KLHL29: variants seen among roughly 807,000 people sequenced by gnomAD.
The protein encoded by KLHL29 is kelch-like protein 29.
KLHL29 carries 21 observed loss-of-function variants against 80.4 expected under a neutral mutation model. The observed-to-expected ratio is 0.26, with a 90% CI of 0.19 to 0.38. KLHL29 has a LOEUF of 0.38. Among genes scored for constraint, KLHL29 ranks in the 10% least tolerant of loss-of-function variants. The pLI is 1.00. For missense variants in KLHL29, 867 were observed against 1,223.9 expected, an observed-to-expected ratio of 0.71 and a Z score of 4.35; for synonymous variants, 511 against 526.8, an observed-to-expected ratio of 0.97 and a Z score of 0.41.
intron 2 of KLHL29, among the ~76,000 whole-genome samples, chr2:23,488,263 C>T (rs999923865): frequency 6.6e-6 from 1 of 152,238 alleles, no homozygotes; most frequent in Admixed American, 6.5e-5. Flanking sequence ...CAATCTCCAC[C>T]TGCTATTCAG....
intron 3 of KLHL29, among the ~76,000 whole-genome samples, chr2:23,597,422 T>A (rs1485600737): frequency 9.7e-5 from 9 of 93,218 alleles, no homozygotes; most frequent in African/African-American, 3.4e-4. Flanking sequence ...TTTTTTTTTT[T>A]TTTTTTTTTT....
At chr2:23,618,699 C>T (rs1047287570) in intron 3 of KLHL29, among the ~76,000 whole-genome samples, 8 of 152,106 alleles carry the variant, frequency 5.3e-5, no homozygotes, top group Admixed American at 3.9e-4. Context: ...TATAATAAAT[C>T]GTATATTATA....
chr2:23,512,789 A>T (rs1173819549), intron 2 of KLHL29, among the ~76,000 whole-genome samples: 2 of 152,256 alleles, frequency 1.3e-5, no homozygotes, highest in Non-Finnish European at 2.9e-5. Context: ...AGGACTGTGT[A>T]TGCGCCTCTG....
intron 1 of KLHL29, among the ~76,000 whole-genome samples, chr2:23,403,722 A>AGTGT (rs202189865): frequency 1.8e-3 from 251 of 141,114 alleles, no homozygotes; most frequent in African/African-American, 2.3e-3. Flanking sequence ...AGAGAGAGAG[A>AGTGT]GAGAGTGTGT....
intron 3 of KLHL29, among the ~76,000 whole-genome samples, chr2:23,580,964 A>G (rs193045823): frequency 1.1e-4 from 17 of 152,326 alleles, no homozygotes; most frequent in South Asian, 2.1e-4. Flanking sequence ...GTGACACAGC[A>G]AGACTGTGTC....
chr2:23,385,961 G>C (rs1158515506), intron 1 of KLHL29, among the ~76,000 whole-genome samples, 181 bp downstream of exon 1: 1 of 152,056 alleles, frequency 6.6e-6, no homozygotes, highest in Non-Finnish European at 1.5e-5. Context: ...CTCGCAGGCT[G>C]CAGGAGCCCT....
At chr2:23,430,319 T>A (rs1177105382) in intron 1 of KLHL29, among the ~76,000 whole-genome samples, 1 of 152,234 alleles carries the variant, frequency 6.6e-6, no homozygotes, top group Non-Finnish European at 1.5e-5. Context: ...TACTGCTGCC[T>A]TGTGAAGACC....
chr2:23,385,838 C>T (rs1417607658), intron 1 of KLHL29, 58 bp downstream of exon 1: 1 of 151,898 alleles, frequency 6.6e-6, no homozygotes, highest in Admixed American at 6.6e-5. Context: ...AGACCCAGGT[C>T]CTGGCCGCCG....
chr2:23,533,230 T>C (rs181147597), intron 2 of KLHL29, among the ~76,000 whole-genome samples: 69 of 152,254 alleles, frequency 4.5e-4, no homozygotes, highest in African/African-American at 1.6e-3. Context: ...GATCTGTGTG[T>C]GCACAAGTAA....
chr2:23,399,044 A>G (rs1300826607), intron 1 of KLHL29, among the ~76,000 whole-genome samples: 2 of 152,244 alleles, frequency 1.3e-5, no homozygotes, highest in Admixed American at 1.3e-4. Context: ...TATGGAGGCC[A>G]TGGAGCGCTT....
chr2:23,518,194 G>A (rs1665997558), intron 2 of KLHL29, among the ~76,000 whole-genome samples: 1 of 152,168 alleles, frequency 6.6e-6, no homozygotes, highest in South Asian at 2.1e-4. Context: ...AGCCCGGAGG[G>A]AACCTGAGAC....
chr2:23,523,891 G>C (rs112036099), intron 2 of KLHL29: 10,957 of 435,912 alleles, frequency 0.025, 211 homozygotes, highest in Non-Finnish European at 0.035. Context: ...CTTGGACTTG[G>C]CACGCTTCTA....
At chr2:23,497,833 A>G (rs1428187820) in intron 2 of KLHL29, among the ~76,000 whole-genome samples, 2 of 152,132 alleles carry the variant, frequency 1.3e-5, no homozygotes, top group Admixed American at 6.5e-5. Context: ...AGTCAGGGGA[A>G]ACCAACCGTA....
chr2:23,434,795 C>CG (rs374238318), intron 1 of KLHL29, among the ~76,000 whole-genome samples: 6 of 152,226 alleles, frequency 3.9e-5, no homozygotes, highest in African/African-American at 1.4e-4. Flanking sequence ...TGGTTCTCCT[C>CG]GGGGCCCGTG....
intron 2 of KLHL29, among the ~76,000 whole-genome samples, chr2:23,483,014 C>T (rs187315329): frequency 6.6e-6 from 1 of 152,322 alleles, no homozygotes; most frequent in Non-Finnish European, 1.5e-5. Flanking sequence ...GCGATCAATT[C>T]TTATGTGGCA....
chr2:23,600,375 G>A (rs1668538721), intron 3 of KLHL29, among the ~76,000 whole-genome samples: 1 of 152,112 alleles, frequency 6.6e-6, no homozygotes, highest in Admixed American at 6.5e-5. Context: ...TAACACTGTT[G>A]TTAAAACATG....
rs185022810 is a variant in KLHL29, at chr2:23,439,247, G to C, written c.-153-36313G>C. Among the ~76,000 whole-genome samples, 141 of 146,728 alleles carry C rather than the reference G, an allele frequency of 9.6e-4. No individual in the cohort carries two copies. The South Asian group carries it at 0.017, about 18-fold the overall frequency. ...TAGTGGTCTATCAATTTTGTTGATC[G>C]TTTCAAAAAACCAGCTCCTGGGTTC... is the stretch of plus-strand genomic sequence containing the variant. On this transcript the variant is annotated intron_variant, in intron 1 of 13. Transcript: ENST00000486442.
chr2:23,523,820 C>G (rs535766861), intron 2 of KLHL29: 1 of 349,242 alleles, frequency 2.9e-6, no homozygotes, highest in African/African-American at 2.1e-5. Context: ...CCGGCCTTGT[C>G]CCCAGCAAAG....
intron 2 of KLHL29, among the ~76,000 whole-genome samples, chr2:23,510,244 G>A (rs1024576919): frequency 1.3e-5 from 2 of 152,196 alleles, no homozygotes; most frequent in South Asian, 4.1e-4. Flanking sequence ...GGGAGTGACA[G>A]GAAATGTCTG....
Sources: allele counts gnomAD v4.1 joint callset (sites outside exome capture counted in the v4.1 genomes callset), GRCh38; gene constraint gnomAD v4.1.1; transcripts MANE v1.5; gene names NCBI Gene and HGNC (gene_info 2026-07-23, HGNC 2026-07-21).